XXYLT1: variants seen among roughly 807,000 people sequenced by gnomAD.
XXYLT1 encodes the protein xyloside xylosyltransferase 1.
A neutral mutation model predicts 28.9 loss-of-function variants in XXYLT1; 20 were observed. That is an observed-to-expected ratio of 0.69 (90% CI 0.49 to 1.00). The LOEUF is 1.00. XXYLT1 is among the 50% of genes least tolerant of loss of function. The pLI, the probability that XXYLT1 is intolerant of heterozygous loss-of-function variation, is 0.00. For missense variants in XXYLT1, 542 were observed against 560.1 expected (o/e 0.97, Z 0.33); for synonymous variants, 257 against 253.8 (o/e 1.01, Z -0.12).
intron 3 of XXYLT1, among the ~76,000 whole-genome samples, chr3:195,126,577 A>T (rs1718645404): frequency 6.6e-6 from 1 of 152,222 alleles, no homozygotes; most frequent in African/African-American, 2.4e-5. Context: ...CTCGGCAAAA[A>T]ACCCAACCGG....
chr3:195,118,992 A>G (rs1379664727), intron 3 of XXYLT1, among the ~76,000 whole-genome samples: 1 of 152,120 alleles, frequency 6.6e-6, no homozygotes, highest in Admixed American at 6.5e-5. Flanking sequence ...AAAAATGGAA[A>G]TAAGCCCAGG....
At chr3:195,186,592 C>A (rs1010235670) in intron 2 of XXYLT1, among the ~76,000 whole-genome samples, 4 of 152,154 alleles carry the variant, frequency 2.6e-5, no homozygotes, top group African/African-American at 7.2e-5. Context: ...ATGTCACTGT[C>A]TGGAGGAAGT....
At chr3:195,128,259 C>T (rs899060070) in intron 3 of XXYLT1, among the ~76,000 whole-genome samples, 3 of 152,162 alleles carry the variant, frequency 2.0e-5, no homozygotes, top group Non-Finnish European at 4.4e-5. Flanking sequence ...ACATCCCTTC[C>T]TACCTGACAC....
At chr3:195,143,784 T>TTATATATATATATATA (rs3073320) in intron 3 of XXYLT1, among the ~76,000 whole-genome samples, 1 of 113,958 alleles carries the variant, frequency 8.8e-6, no homozygotes, top group Non-Finnish European at 1.7e-5. Context: ...TGTTCTCTCA[T>TTATATATATATATATA]TATATATATA....
intron 3 of XXYLT1, among the ~76,000 whole-genome samples, chr3:195,102,540 C>T (rs1716849815): frequency 6.6e-6 from 1 of 152,070 alleles, no homozygotes; most frequent in African/African-American, 2.4e-5. Context: ...TGAGATCATG[C>T]GACATATTTT....
Position 195,270,786 on chromosome 3 carries a change from G to T in XXYLT1, c.273C>A (p.Gly91=). 1 of 1,566,332 alleles carries T rather than the reference G, an allele frequency of 6.4e-7. No homozygotes were observed. The change falls in exon 1 of 4, where the codon GGC becomes GGA. Residue 91 remains glycine, a synonymous_variant. Transcript: ENST00000310380. The part of the protein sequence containing the change: ...APGAKAKSLE[G]GGAGPVDYHL... ...GGTAGTCCACCGGCCCGGCACCGCCGCCCTCCAAGCTCTTGGCCTTCGCGC... is the reference window on the plus strand; with the variant it reads ...GGTAGTCCACCGGCCCGGCACCGCCTCCCTCCAAGCTCTTGGCCTTCGCGC...
intron 2 of XXYLT1, among the ~76,000 whole-genome samples, chr3:195,163,508 T>C (rs1197970181): frequency 6.6e-6 from 1 of 152,230 alleles, no homozygotes; most frequent in Non-Finnish European, 1.5e-5. Context: ...CACATGGCAA[T>C]GACAATGATA....
At chr3:195,236,751 T>C (rs996989652) in intron 1 of XXYLT1, among the ~76,000 whole-genome samples, 1 of 152,112 alleles carries the variant, frequency 6.6e-6, no homozygotes, top group Admixed American at 6.5e-5. Context: ...GCCCATGGTA[T>C]GTACTACCTG....
intron 3 of XXYLT1, among the ~76,000 whole-genome samples, chr3:195,071,395 C>T (rs759540433): frequency 3.9e-5 from 6 of 152,206 alleles, no homozygotes; most frequent in South Asian, 2.1e-4. Context: ...CCCTGAGGGG[C>T]CACTTCTCAG....
intron 3 of XXYLT1, among the ~76,000 whole-genome samples, chr3:195,071,466 C>T (rs1197859687): frequency 1.2e-4 from 19 of 152,208 alleles, no homozygotes; most frequent in Admixed American, 1.2e-3. Context: ...TCACGTATCA[C>T]AGAGAGTGCC....
At chr3:195,199,615 GA>G (rs987729925) in intron 2 of XXYLT1, among the ~76,000 whole-genome samples, 2 of 150,310 alleles carry the variant, frequency 1.3e-5, no homozygotes, top group East Asian at 1.9e-4. Flanking sequence ...GGTCTCAAAA[GA>G]AAAAAAAAGA....
At chr3:195,089,694 A>C (rs1716023231) in intron 3 of XXYLT1, among the ~76,000 whole-genome samples, 1 of 151,922 alleles carries the variant, frequency 6.6e-6, no homozygotes, top group Admixed American at 6.6e-5. Flanking sequence ...TTTAAATGTA[A>C]ATGGACTAAA....
chr3:195,215,751 T>G (rs559982608), intron 2 of XXYLT1, among the ~76,000 whole-genome samples: 1 of 152,118 alleles, frequency 6.6e-6, no homozygotes, highest in South Asian at 2.1e-4. Context: ...CTGTCAACAT[T>G]AGACAGATCA....
At chr3:195,123,351 C>A (rs952228673) in intron 3 of XXYLT1, among the ~76,000 whole-genome samples, 3 of 152,160 alleles carry the variant, frequency 2.0e-5, no homozygotes, top group Admixed American at 1.3e-4. Context: ...AGCAAGCCCC[C>A]CTCTCCTGGC....
intron 3 of XXYLT1, chr3:195,094,771 C>T (rs1716328323): frequency 6.5e-6 from 1 of 153,818 alleles, no homozygotes; most frequent in African/African-American, 2.4e-5. Context: ...GCCGCACCTT[C>T]CCCTCTCCAC....
chr3:195,114,252 G>A (rs556611019), intron 3 of XXYLT1, among the ~76,000 whole-genome samples: 41 of 152,312 alleles, frequency 2.7e-4, no homozygotes, highest in South Asian at 1.2e-3. Context: ...GCTCCTCCAC[G>A]TGAAGCCCTG....
intron 3 of XXYLT1, among the ~76,000 whole-genome samples, chr3:195,134,826 GGTGT>G (rs3073321): frequency 0.25 from 35,769 of 145,344 alleles, 4,503 homozygotes; most frequent in Admixed American, 0.34. Context: ...CGTGAAGAGG[GGTGT>G]GTGTGTGTGT....
At chr3:195,202,156 A>G (rs1052247888) in intron 2 of XXYLT1, among the ~76,000 whole-genome samples, 15 of 152,282 alleles carry the variant, frequency 9.9e-5, no homozygotes, top group Non-Finnish European at 1.8e-4. Context: ...CTGCCTGGGC[A>G]ACAGAGTGAG....
chr3:195,107,559 G>GAGGA (rs1257222692), intron 3 of XXYLT1, among the ~76,000 whole-genome samples: 10 of 6,218 alleles, frequency 1.6e-3, no homozygotes, highest in Non-Finnish European at 2.2e-3. Context: ...GGGGGAAGAG[G>GAGGA]GGGAGAGGAG....
Sources: gnomAD v4.1 joint callset for allele counts (sites outside exome capture counted in the v4.1 genomes callset) on GRCh38, gnomAD v4.1.1 for gene constraint, MANE v1.5 for transcripts, NCBI Gene and HGNC (gene_info 2026-07-23, HGNC 2026-07-21) for gene names.